The following KCTD15 variants were observed in gnomAD, a reference collection of about 807,000 sequenced individuals.
KCTD15 encodes potassium channel tetramerization domain containing 15.
KCTD15 carries 11 observed loss-of-function variants against 27.2 expected under a neutral mutation model. That is an observed-to-expected ratio of 0.41 (90% CI 0.25 to 0.67). The LOEUF (loss-of-function observed/expected upper bound fraction) is 0.67, where lower values mean the gene tolerates loss of function less well. KCTD15 is among the 30% of genes least tolerant of loss of function. The pLI is 0.35. For missense variants in KCTD15, 350 were observed against 409.3 expected (o/e 0.86, Z 1.25); for synonymous variants, 163 against 176.0 (o/e 0.93, Z 0.58).
At position 33,800,432 on chromosome 19, in the gene KCTD15, T is replaced by G; in HGVS notation, c.-23T>G. 6.3e-7 allele frequency: 1 copy of G among 1,596,374 alleles called. No homozygotes were observed. The highest frequency in any genetic ancestry group is 8.5e-7 in the Non-Finnish European group (1 of 1,172,572). On this transcript the variant is annotated 5_prime_UTR_variant, in exon 3 of 7. Transcript: ENST00000683859. Reference sequence around the variant, plus strand: ...TTTTGTCGATGCCTCCCGCAGATACTCTGGGCAGGGATGGAAGCCTAGATG... The same window carrying G: ...TTTTGTCGATGCCTCCCGCAGATACGCTGGGCAGGGATGGAAGCCTAGATG...
In KCTD15 at chr19:33,806,997, A is replaced by T. The variant is rs766072075; in HGVS notation, c.377A>T (p.Asp126Val). The part of the protein sequence containing the change: ...FLRTSKLLLP[D>V]DFKDFSLLYE... ...CGGACGTCCAAGCTGCTGCTTCCGG[A>T]TGACTTTAAGGTAAGTCCATGGCTG... The change falls in exon 5 of 7, where the codon GAT becomes GTT. Residue 126 changes from aspartate (D) to valine (V), a missense_variant. Around this residue, in one of 3 missense-constraint regions of KCTD15, gnomAD observed 219 missense variants for 234.9 expected, o/e 0.93. Transcript: ENST00000683859. The T allele has an allele frequency of 1.5e-5, 24 of 1,613,874 alleles. No homozygotes were observed. The highest frequency in any genetic ancestry group is 1.9e-5 in the Non-Finnish European group (23 of 1,179,982).
chr19:33,804,182 G>A (rs960630453), intron 4 of KCTD15, among the ~76,000 whole-genome samples: 12 of 152,196 alleles, frequency 7.9e-5, no homozygotes, highest in South Asian at 2.1e-4. Flanking sequence ...AGCCTCAGAC[G>A]CTGAGGGCAT....
rs1040245702 is a variant in KCTD15 at position 33,814,602 on chromosome 19, C to T, written c.*1654C>T. On this transcript the variant is annotated 3_prime_UTR_variant, in exon 7 of 7. Transcript: ENST00000683859. ...TTGGGGATGATGTCCTCTTTAGACC[C>T]CCACGTAATGGTATGAGAAGGTGGC... The T allele has an allele frequency of 6.6e-6, 1 of 152,106 alleles. No homozygotes were observed. The highest frequency in any genetic ancestry group is 1.5e-5 in the Non-Finnish European group (1 of 68,050). The allele number at this position is 152,106 out of a possible 1,614,324, so 9.4% of individuals were successfully genotyped here. A position where few individuals can be genotyped will look rare whatever the true frequency, so the allele number is the denominator to read the frequency against.
At position 33,814,646 on chromosome 19, in the gene KCTD15, C is replaced by G. The variant is rs1976040411; in HGVS notation, c.*1698C>G. ...AGGTGGCAGGCAGTGGCTCAGCCAG[C>G]CAGGGGGCACCAAGTCATGCAGCCA... On this transcript the variant is annotated 3_prime_UTR_variant, in exon 7 of 7. Coordinates refer to ENST00000683859, the MANE Select transcript of KCTD15 (RefSeq NM_001129994.2). 1 of 152,174 alleles carries G rather than the reference C, an allele frequency of 6.6e-6. No homozygotes were observed. The highest frequency in any genetic ancestry group is 1.5e-5 in the Non-Finnish European group (1 of 68,060). The allele number at this position is 152,174 out of a possible 1,614,324, so 9.4% of individuals were successfully genotyped here.
At chr19:33,801,134 A>G (rs374161327) in intron 3 of KCTD15, 33 bp from the exon 4 acceptor site, 139 of 1,553,388 alleles carry the variant, frequency 8.9e-5, no homozygotes, top group Non-Finnish European at 1.2e-4. Flanking sequence ...TCCGCTTTGA[A>G]ACTCTTGTGT....
upstream of KCTD15, among the ~76,000 whole-genome samples, chr19:33,795,764 G>C (rs1045391934): frequency 6.6e-6 from 1 of 151,984 alleles, no homozygotes; most frequent in African/African-American, 2.4e-5. Context: ...AGGGGCGTCC[G>C]GGGCGCGGAC....
intron 5 of KCTD15, among the ~76,000 whole-genome samples, chr19:33,807,616 A>G (rs1975754945): frequency 6.6e-6 from 1 of 152,174 alleles, no homozygotes; most frequent in Non-Finnish European, 1.5e-5. Context: ...GCTACTCGGG[A>G]GGCTGAGACA....
At chr19:33,810,323 C>T (rs1975853222) in intron 5 of KCTD15, among the ~76,000 whole-genome samples, 1 of 152,196 alleles carries the variant, frequency 6.6e-6, no homozygotes, top group Non-Finnish European at 1.5e-5. Context: ...AGGGGCTGGA[C>T]CAGGCACTTG....
At chr19:33,811,177 T>TCCCCCCACC in intron 5 of KCTD15, 70 bp from the exon 6 acceptor site, 2 of 786,088 alleles carry the variant, frequency 2.5e-6, no homozygotes, top group Non-Finnish European at 3.8e-6. Flanking sequence ...GCAGGCCGCC[T>TCCCCCCACC]CCCCTCTCCC....
chr19:33,810,229 G>C (rs1975849264), intron 5 of KCTD15, among the ~76,000 whole-genome samples: 1 of 152,218 alleles, frequency 6.6e-6, no homozygotes, highest in South Asian at 2.1e-4. Flanking sequence ...GTCTGTGCGA[G>C]GCTGCTTAGC....
intron 5 of KCTD15, among the ~76,000 whole-genome samples, chr19:33,810,719 C>T (rs1433276645): frequency 6.6e-6 from 1 of 151,476 alleles, no homozygotes; most frequent in Non-Finnish European, 1.5e-5. Context: ...CCAAGAGGCT[C>T]AGTTAGTGAG....
intron 5 of KCTD15, 40 bp downstream of exon 5, chr19:33,807,047 G>A: frequency 6.2e-7 from 1 of 1,601,624 alleles, no homozygotes; most frequent in East Asian, 2.2e-5. Flanking sequence ...CTGCCTGTGT[G>A]ATGGCATTAC....
intron 5 of KCTD15, among the ~76,000 whole-genome samples, chr19:33,809,649 T>C (rs559272347): frequency 1.2e-4 from 19 of 152,282 alleles, no homozygotes; most frequent in African/African-American, 4.6e-4. Context: ...AGCAGGAGGA[T>C]CATTTGATCC....
intron 6 of KCTD15, chr19:33,812,151 G>A (rs992756174): frequency 1.7e-6 from 2 of 1,204,356 alleles, no homozygotes; most frequent in African/African-American, 1.6e-5. Flanking sequence ...GCATTCCACA[G>A]CCTGTCGGTC....
chr19:33,797,612 G>C (rs1230977869), intron 1 of KCTD15, among the ~76,000 whole-genome samples: 1 of 152,020 alleles, frequency 6.6e-6, no homozygotes, highest in Non-Finnish European at 1.5e-5. Context: ...CCCGCTGCCC[G>C]CCCGCACCCC....
rs1185975614 is a variant in KCTD15 at position 33,815,186 on chromosome 19, T to C, written c.*2238T>C. 6.6e-6 allele frequency: 1 copy of C among 152,148 alleles called. No homozygotes were observed. The highest frequency in any genetic ancestry group is 2.4e-5 in the African/African-American group (1 of 41,432). The allele number at this position is 152,148 out of a possible 1,614,324, so 9.4% of individuals were successfully genotyped here. ...TTTGGGTAAATGATTGTGCTAAAAA[T>C]AAAATTTATTAATAAAGAAGGGGAA... On this transcript the variant is annotated 3_prime_UTR_variant, in exon 7 of 7. Transcript: ENST00000683859.
intron 1 of KCTD15, chr19:33,798,175 G>A (rs1015827364): frequency 4.6e-5 from 7 of 152,248 alleles, no homozygotes; most frequent in African/African-American, 1.7e-4. Flanking sequence ...AGGCCCCCAG[G>A]ACTTTCGCCC....
chr19:33,809,243 C>T (rs1188006619), intron 5 of KCTD15, among the ~76,000 whole-genome samples: 7 of 151,652 alleles, frequency 4.6e-5, no homozygotes, highest in Middle Eastern at 3.2e-3. Flanking sequence ...CACCACTGCA[C>T]TCCAGCCTGG....
chr19:33,814,424 C>T lies in KCTD15; in HGVS notation c.*1476C>T, dbSNP rs62101383. ...GTCCTGAGCTTGGTGTTATTTATTG[C>T]ATTTGGGTGCCTGTCCCCTCAGGGC... On this transcript the variant is annotated 3_prime_UTR_variant, in exon 7 of 7. Transcript: ENST00000683859. 0.02 allele frequency: 2,996 copies of T among 152,296 alleles called. 51 individuals are homozygous for T. Among genetic ancestry groups the T allele is most frequent in the Non-Finnish European group, 0.032 (2,204 of 68,050 alleles). 9.4% of individuals were successfully genotyped at this position (152,296 alleles called of 1,614,324 possible).
Sources: gnomAD v4.1 joint callset for allele counts (sites outside exome capture counted in the v4.1 genomes callset) on GRCh38, gnomAD v4.1.1 for gene constraint, gnomAD v4.1.1 regional missense constraint, MANE v1.5 for transcripts, NCBI Gene and HGNC (gene_info 2026-07-23, HGNC 2026-07-21) for gene names.